The following CREB3L2 variants were observed in gnomAD, a reference collection of about 807,000 sequenced individuals.
The protein encoded by CREB3L2 is cyclic AMP-responsive element-binding protein 3-like protein 2.
In CREB3L2, 23 loss-of-function variants were observed where a neutral mutation model predicts 57.2. The observed-to-expected ratio is 0.40, with a 90% CI of 0.29 to 0.57. CREB3L2 has a LOEUF of 0.57. CREB3L2 is among the 20% of genes least tolerant of loss of function. The pLI is 0.42. For synonymous variants in CREB3L2, 268 were observed against 265.1 expected (o/e 1.01, Z -0.11); for missense variants, 628 against 634.7 (o/e 0.99, Z 0.11).
intron 1 of CREB3L2, among the ~76,000 whole-genome samples, chr7:137,994,230 G>A (rs1212762743): frequency 6.6e-6 from 1 of 152,208 alleles, no homozygotes; most frequent in Non-Finnish European, 1.5e-5. Context: ...TACCCCAAGA[G>A]AGTCACCAGA....
At chr7:137,932,486 A>G (rs1015043695) in intron 1 of CREB3L2, among the ~76,000 whole-genome samples, 3 of 152,168 alleles carry the variant, frequency 2.0e-5, no homozygotes, top group Non-Finnish European at 2.9e-5. Context: ...TAATCCCCAC[A>G]CTTTGGGAGG....
At chr7:137,971,904 T>A (rs1215201795) in intron 1 of CREB3L2, among the ~76,000 whole-genome samples, 7 of 150,316 alleles carry the variant, frequency 4.7e-5, no homozygotes, top group African/African-American at 7.4e-5. Context: ...GTCTATGGAG[T>A]AGCCATTCTT....
At chr7:137,994,060 G>C (rs1158242695) in intron 1 of CREB3L2, among the ~76,000 whole-genome samples, 1 of 152,218 alleles carries the variant, frequency 6.6e-6, no homozygotes, top group Non-Finnish European at 1.5e-5. Flanking sequence ...TTGATCCAGA[G>C]ACAGTGGGTC....
intron 1 of CREB3L2, among the ~76,000 whole-genome samples, chr7:137,958,626 T>A (rs1251432692): frequency 6.6e-6 from 1 of 152,262 alleles, no homozygotes; most frequent in Non-Finnish European, 1.5e-5. Context: ...ACTTATCTGC[T>A]TGGCATTTGG....
At chr7:137,910,203 C>T (rs1261800001) in intron 4 of CREB3L2, among the ~76,000 whole-genome samples, 2 of 152,156 alleles carry the variant, frequency 1.3e-5, no homozygotes, top group Middle Eastern at 3.2e-3. Flanking sequence ...TCAGCCAACC[C>T]TGGTCCCCCC....
At chr7:137,921,198 TAA>T (rs1800267420) in intron 2 of CREB3L2, among the ~76,000 whole-genome samples, 1 of 152,266 alleles carries the variant, frequency 6.6e-6, no homozygotes, top group African/African-American at 2.4e-5. Context: ...ATTGTGTTTA[TAA>T]GTCTTTTAAA....
In CREB3L2 at chr7:137,879,142, T is replaced by A; in HGVS notation, c.*1334A>T. ...TTATATGAAAGAGGAAAGATTTTTT[T>A]AAACTACAAAAGTTACTTTTAACCA... On this transcript the variant is annotated 3_prime_UTR_variant, in exon 12 of 12. Coordinates refer to ENST00000330387, the MANE Select transcript of CREB3L2 (RefSeq NM_194071.4). The A allele has an allele frequency of 4.0e-6, 2 of 505,730 alleles. No individual in the cohort carries two copies. Among genetic ancestry groups the A allele is most frequent in the Non-Finnish European group, 7.5e-6 (2 of 268,002 alleles). 31.3% of individuals were successfully genotyped at this position (505,730 alleles called of 1,614,324 possible).
At chr7:137,987,038 C>T (rs566220649) in intron 1 of CREB3L2, among the ~76,000 whole-genome samples, 1 of 152,348 alleles carries the variant, frequency 6.6e-6, no homozygotes, top group African/African-American at 2.4e-5. Context: ...ACTGCCCCAG[C>T]TCTCCCAGCG....
intron 1 of CREB3L2, among the ~76,000 whole-genome samples, chr7:137,998,649 A>G (rs1001949653): frequency 6.6e-6 from 1 of 152,244 alleles, no homozygotes; most frequent in African/African-American, 2.4e-5. Flanking sequence ...ATGTAAAATA[A>G]AAGTAATAAA....
intron 9 of CREB3L2, 124 bp from the exon 10 acceptor site, chr7:137,885,245 C>A: frequency 8.0e-7 from 1 of 1,247,010 alleles, no homozygotes; most frequent in South Asian, 1.4e-5. Flanking sequence ...ACCCACCAGT[C>A]ACATCACCAG....
intron 1 of CREB3L2, among the ~76,000 whole-genome samples, chr7:137,931,521 CAAAAA>C (rs59161952): frequency 1.6e-5 from 1 of 61,040 alleles, no homozygotes; most frequent in Non-Finnish European, 3.9e-5. Context: ...GACTCCGTCT[CAAAAA>C]AAAAAAAAAA....
chr7:137,956,620 T>C (rs1166259496), intron 1 of CREB3L2: 12 of 1,289,022 alleles, frequency 9.3e-6, no homozygotes, highest in Non-Finnish European at 1.0e-5. Context: ...CCATGCCGAA[T>C]ATTTCTCGAG....
intron 1 of CREB3L2, chr7:137,955,379 T>C: frequency 1.8e-6 from 2 of 1,141,156 alleles, no homozygotes; most frequent in Middle Eastern, 2.3e-4. Flanking sequence ...GGCAGTCTTA[T>C]GATTAGTTCT....
At chr7:137,947,494 C>T (rs1801017774) in intron 1 of CREB3L2, among the ~76,000 whole-genome samples, 1 of 152,140 alleles carries the variant, frequency 6.6e-6, no homozygotes, top group Non-Finnish European at 1.5e-5. Flanking sequence ...GTAGTCCTGG[C>T]CTGTGCCCTC....
intron 1 of CREB3L2, among the ~76,000 whole-genome samples, chr7:137,970,912 C>A (rs1801494731): frequency 6.6e-6 from 1 of 152,202 alleles, no homozygotes. Context: ...AGTGTTTATG[C>A]AGTGTGCACC....
At position 137,995,491 on chromosome 7, in the gene CREB3L2, C is replaced by T. The variant is rs181956886; in HGVS notation, c.102+6113G>A. On this transcript the variant is annotated intron_variant, in intron 1 of 11. Coordinates refer to ENST00000330387, the MANE Select transcript of CREB3L2 (RefSeq NM_194071.4). ...CTGGGATTACAGGCGCCCGCCACCA[C>T]GCCCAGCTAATTTTTGTATTTTTAG... Among the ~76,000 whole-genome samples the T allele has an allele frequency of 3.4e-3, 511 of 151,940 alleles. 3 individuals carry two copies. The highest frequency in any genetic ancestry group is 0.012 in the African/African-American group (480 of 41,458).
intron 1 of CREB3L2, among the ~76,000 whole-genome samples, chr7:137,972,707 A>AAAAAAAAAAAAACAAAAAAAAC (rs1801531697): frequency 2.3e-5 from 1 of 44,238 alleles, no homozygotes; most frequent in African/African-American, 1.3e-4. Context: ...AAAAAAAAAA[A>AAAAAAAAAAAAACAAAAAAAAC]AAAAAATATA....
intron 1 of CREB3L2, among the ~76,000 whole-genome samples, chr7:137,981,050 G>A (rs2117314569): frequency 6.6e-6 from 1 of 152,292 alleles, no homozygotes; most frequent in South Asian, 2.1e-4. Context: ...AATAAAGCAG[G>A]AGAACCTGAG....
chr7:137,915,164 A>C (rs186212101), intron 3 of CREB3L2, among the ~76,000 whole-genome samples: 143 of 152,240 alleles, frequency 9.4e-4, no homozygotes, highest in Middle Eastern at 3.4e-3. Context: ...GTACAAATAC[A>C]ATGCTGGTCC....
Sources: allele counts gnomAD v4.1 joint callset (sites outside exome capture counted in the v4.1 genomes callset), GRCh38; gene constraint gnomAD v4.1.1; transcripts MANE v1.5; gene names NCBI Gene and HGNC (gene_info 2026-07-23, HGNC 2026-07-21).